Variants in NRP2 observed in about 807,000 individuals in gnomAD.
The protein encoded by NRP2 is neuropilin 2, also known as neuropilin-2.
A neutral mutation model predicts 110.4 loss-of-function variants in NRP2; 52 were observed. The ratio of observed to expected loss-of-function variants is 0.47; its 90% confidence interval spans 0.38 to 0.59. The LOEUF is 0.59. Ranked by LOEUF, NRP2 falls within the 20% of genes least tolerant of loss-of-function variation. The pLI, the probability that NRP2 is intolerant of heterozygous loss-of-function variation, is 0.00. For missense variants in NRP2, 1,049 were observed against 1,203.0 expected (o/e 0.87, Z 1.89); for synonymous variants, 508 against 468.9 (o/e 1.08, Z -1.08).
intron 12 of NRP2, chr2:205,761,579 G>A (rs868531224): frequency 2.0e-5 from 3 of 152,226 alleles, no homozygotes; most frequent in South Asian, 4.1e-4. Context: ...CCAAAGGGAC[G>A]GGGTAGATGG....
At position 205,743,308 on chromosome 2, in the gene NRP2, G is replaced by A. The variant is rs1448721197; in HGVS notation, c.1397G>A (p.Arg466His). Reference sequence around the variant, plus strand: ...TACCTCTGGAGCCCCAGTGCAGCCCGCCTGGTTAGCAGCCGCTCGGGCTGG... The same window carrying A: ...TACCTCTGGAGCCCCAGTGCAGCCCACCTGGTTAGCAGCCGCTCGGGCTGG... ...QEYLWSPSAARLVSSRSGWFP... is the reference protein window; with the variant it reads ...QEYLWSPSAAHLVSSRSGWFP... Residue 466 changes from arginine (R) to histidine (H), a missense_variant, in exon 9 of 17, where the codon CGC becomes CAC. Coordinates refer to ENST00000357785, the MANE Select transcript of NRP2 (RefSeq NM_003872.3). The A allele has an allele frequency of 3.1e-6, 5 of 1,614,148 alleles. No homozygotes were observed. Among genetic ancestry groups the A allele is most frequent in the African/African-American group, 1.3e-5 (1 of 75,048 alleles).
chr2:205,726,919 T>C (rs564426548), intron 6 of NRP2, among the ~76,000 whole-genome samples: 1 of 152,338 alleles, frequency 6.6e-6, no homozygotes, highest in Non-Finnish European at 1.5e-5. Flanking sequence ...ACAGAGGTTC[T>C]AACAGTAAGC....
intron 12 of NRP2, among the ~76,000 whole-genome samples, chr2:205,758,318 G>A (rs979968119): frequency 1.9e-4 from 29 of 152,324 alleles, no homozygotes; most frequent in South Asian, 6.2e-4. Context: ...GGAGATGTGC[G>A]TGTTGGACAG....
intron 3 of NRP2, 21 bp downstream of exon 3, chr2:205,716,395 G>A (rs1291113545): frequency 1.2e-6 from 2 of 1,612,836 alleles, no homozygotes; most frequent in East Asian, 2.2e-5. Context: ...TCACACGTAG[G>A]GGCCGGGAGA....
intron 7 of NRP2, among the ~76,000 whole-genome samples, chr2:205,729,098 A>G (rs2057186464): frequency 1.3e-5 from 2 of 152,198 alleles, no homozygotes; most frequent in Non-Finnish European, 2.9e-5. Flanking sequence ...AGCCCCTGTC[A>G]CTGCCCCGAG....
Position 205,796,549 on chromosome 2 carries a change from T to C in NRP2, c.*1491T>C, listed in dbSNP as rs1000773776. The C allele has an allele frequency of 6.6e-6, 1 of 152,516 alleles. No homozygotes were observed. The highest frequency in any genetic ancestry group is 1.5e-5 in the Non-Finnish European group (1 of 68,030). The allele number at this position is 152,516 out of a possible 1,614,324, so 9.4% of individuals were successfully genotyped here. ...TATGTAAAAATTAGTGAATATCTTA[T>C]GAATTAAGGCATTCCTCTTTCCCTA... On this transcript the variant is annotated 3_prime_UTR_variant, in exon 17 of 17. Coordinates refer to ENST00000357785, the MANE Select transcript of NRP2 (RefSeq NM_003872.3).
chr2:205,787,313 G>C (rs932836179), intron 15 of NRP2, among the ~76,000 whole-genome samples: 5 of 152,130 alleles, frequency 3.3e-5, no homozygotes, highest in African/African-American at 1.2e-4. Context: ...TGTCTCTGCT[G>C]TACACTCCAG....
In NRP2 at chr2:205,743,305, C is replaced by T; in HGVS notation, c.1394C>T (p.Ala465Val). The T allele has an allele frequency of 1.2e-6, 2 of 1,614,200 alleles. No individual in the cohort carries two copies. The highest frequency in any genetic ancestry group is 1.7e-6 in the Non-Finnish European group (2 of 1,180,018). Residue 465 changes from alanine to valine, a missense_variant, in exon 9 of 17, where the codon GCC (alanine) becomes GTC (valine). Transcript: ENST00000357785. ...TQEYLWSPSAARLVSSRSGWF... is the reference protein window; with the variant it reads ...TQEYLWSPSAVRLVSSRSGWF... ...GAATACCTCTGGAGCCCCAGTGCAG[C>T]CCGCCTGGTTAGCAGCCGCTCGGGC...
chr2:205,747,611 TGA>T (rs2057561785), intron 10 of NRP2, among the ~76,000 whole-genome samples: 1 of 152,222 alleles, frequency 6.6e-6, no homozygotes, highest in East Asian at 1.9e-4. Context: ...AACCCAATGA[TGA>T]GAGTGATGCG....
At chr2:205,698,209 A>G (rs1353717986) in intron 2 of NRP2, among the ~76,000 whole-genome samples, 1 of 147,694 alleles carries the variant, frequency 6.8e-6, no homozygotes, top group Non-Finnish European at 1.5e-5. Flanking sequence ...TTCTTATAGA[A>G]AAAAAAAAGG....
In NRP2 at chr2:205,782,470, C is replaced by T. The variant is rs999480762; in HGVS notation, c.2426-9765C>T. Among the ~76,000 whole-genome samples, 4 of 152,174 alleles carry T rather than the reference C, an allele frequency of 2.6e-5. No individual in the cohort carries two copies. The East Asian group carries it at 5.8e-4, about 22-fold the overall frequency. ...ACAAGTTAAACATGCTCAAAAAGTG[C>T]AATAATACAGAAAAAGCCAAAGTCG... On this transcript the variant is annotated intron_variant, in intron 15 of 16. Transcript: ENST00000357785.
In NRP2 at chr2:205,686,410, A is replaced by C. The variant is rs897267695; in HGVS notation, c.73+3047A>C. Among the ~76,000 whole-genome samples, 7 of 152,172 alleles carry C rather than the reference A, an allele frequency of 4.6e-5. No homozygotes were observed. The highest frequency in any genetic ancestry group is 1.4e-4 in the African/African-American group (6 of 41,436). On this transcript the variant is annotated intron_variant, in intron 1 of 16. Transcript: ENST00000357785. This position sits in a 1 kb window ranked among gnomAD's most constrained non-coding sequence, Gnocchi z 4.7. ...GCTCTTTGCTTTTCCACGTGAGAAA[A>C]AGAAATGTTCACGGCCGATGCTTCA...
At chr2:205,760,633 G>T (rs2057805463) in intron 12 of NRP2, among the ~76,000 whole-genome samples, 1 of 152,114 alleles carries the variant, frequency 6.6e-6, no homozygotes, top group Admixed American at 6.5e-5. Flanking sequence ...AAGGAGAGAA[G>T]AGGGGAAGGG....
intron 15 of NRP2, 83 bp downstream of exon 15, chr2:205,766,886 T>G (rs1393847120): frequency 1.6e-6 from 2 of 1,277,590 alleles, no homozygotes; most frequent in Admixed American, 3.5e-5. Flanking sequence ...ATGGGGGGAA[T>G]CAACCTCCAA....
At chr2:205,701,081 C>G in intron 2 of NRP2, 1 of 170,000 alleles carries the variant, frequency 5.9e-6, no homozygotes, top group South Asian at 1.4e-4. Flanking sequence ...TTTTAGAAAC[C>G]CATACACAAA....
At chr2:205,737,936 G>A (rs1047641493) in intron 7 of NRP2, among the ~76,000 whole-genome samples, 4 of 152,148 alleles carry the variant, frequency 2.6e-5, no homozygotes, top group African/African-American at 7.2e-5. Context: ...ATGCGAGTGC[G>A]TGCAGCCCAT....
intron 15 of NRP2, chr2:205,777,181 G>C: frequency 1.0e-6 from 1 of 982,300 alleles, no homozygotes; most frequent in Non-Finnish European, 1.2e-6. Flanking sequence ...TCTGTTGGCT[G>C]TCATTGTCAT....
chr2:205,765,827 G>C, intron 14 of NRP2: 2 of 586,244 alleles, frequency 3.4e-6, no homozygotes, highest in Non-Finnish European at 6.5e-6. Flanking sequence ...TAGAGGTTCA[G>C]GGTGCCAAGA....
chr2:205,774,138 G>A (rs1479096192), intron 15 of NRP2, among the ~76,000 whole-genome samples: 3 of 152,300 alleles, frequency 2.0e-5, no homozygotes, highest in East Asian at 3.9e-4. Flanking sequence ...CGAAAATCCA[G>A]CAGCAGGATG....
Sources: allele counts gnomAD v4.1 joint callset (sites outside exome capture counted in the v4.1 genomes callset), GRCh38; gene constraint gnomAD v4.1.1; non-coding constraint Gnocchi (gnomAD v3.1); transcripts MANE v1.5; gene names NCBI Gene and HGNC (gene_info 2026-07-23, HGNC 2026-07-21).